The following HS6ST3 variants were observed in gnomAD, a reference collection of about 807,000 sequenced individuals.
HS6ST3 encodes heparan-sulfate 6-O-sulfotransferase 3.
In HS6ST3, 12 loss-of-function variants were observed where a neutral mutation model predicts 36.7. The observed-to-expected ratio is 0.33, with a 90% CI of 0.21 to 0.53. HS6ST3 has a LOEUF of 0.53. Ranked by LOEUF, HS6ST3 falls within the 20% of genes least tolerant of loss-of-function variation. The pLI, the probability that HS6ST3 is intolerant of heterozygous loss-of-function variation, is 0.95. For missense variants in HS6ST3, 584 were observed against 640.9 expected, an observed-to-expected ratio of 0.91 and a Z score of 0.96; for synonymous variants, 240 against 257.5, an observed-to-expected ratio of 0.93 and a Z score of 0.65.
intron 1 of HS6ST3, among the ~76,000 whole-genome samples, chr13:96,288,666 G>A (rs2139397773): frequency 6.6e-6 from 1 of 152,088 alleles, no homozygotes; most frequent in South Asian, 2.1e-4. Context: ...TTACTAATCA[G>A]CATGATAAAG....
At chr13:96,552,116 T>G (rs1440679012) in intron 1 of HS6ST3, among the ~76,000 whole-genome samples, 1 of 152,204 alleles carries the variant, frequency 6.6e-6, no homozygotes, top group East Asian at 1.9e-4. Flanking sequence ...GGAATTTGGT[T>G]TATTTCCATG....
intron 1 of HS6ST3, among the ~76,000 whole-genome samples, chr13:96,798,598 A>T (rs1877969296): frequency 6.6e-6 from 1 of 152,084 alleles, no homozygotes; most frequent in Non-Finnish European, 1.5e-5. Context: ...TTTAGCTGTC[A>T]TATGTGACTC....
chr13:96,457,384 A>T (rs2055759345), intron 1 of HS6ST3, among the ~76,000 whole-genome samples: 1 of 152,128 alleles, frequency 6.6e-6, no homozygotes, highest in Non-Finnish European at 1.5e-5. Flanking sequence ...CTAGCTTCTC[A>T]GGTGGGAGAA....
intron 1 of HS6ST3, among the ~76,000 whole-genome samples, chr13:96,218,833 A>C (rs1205094737): frequency 6.6e-6 from 1 of 152,124 alleles, no homozygotes; most frequent in Non-Finnish European, 1.5e-5. Context: ...TGCTCTTGGC[A>C]AGGATCATCT....
intron 1 of HS6ST3, among the ~76,000 whole-genome samples, chr13:96,508,632 G>A (rs147327117): frequency 1.5e-4 from 23 of 152,046 alleles, no homozygotes; most frequent in Admixed American, 7.2e-4. Context: ...TATGGCTTTT[G>A]GTTTTTCACT....
At chr13:96,216,305 G>T (rs887919412) in intron 1 of HS6ST3, among the ~76,000 whole-genome samples, 12 of 152,084 alleles carry the variant, frequency 7.9e-5, no homozygotes, top group African/African-American at 2.2e-4. Flanking sequence ...CCTTTCCCAT[G>T]CTGTAAATAG....
chr13:96,266,399 C>G (rs539244624), intron 1 of HS6ST3, among the ~76,000 whole-genome samples: 1 of 152,106 alleles, frequency 6.6e-6, no homozygotes, highest in Non-Finnish European at 1.5e-5. Flanking sequence ...TCTGAGATTA[C>G]CTGGGACAGA....
At position 96,327,614 on chromosome 13, in the gene HS6ST3, G is replaced by C. The variant is rs1054144737; in HGVS notation, c.707+236045G>C. ...AGTATAGTTTGAAGTCAGGTAGCGT[G>C]ATGCCTCCAGCTTTGTTCTTTTGGC... On this transcript the variant is annotated intron_variant, in intron 1 of 1. Transcript: ENST00000376705. 2.8e-3 allele frequency among the ~76,000 whole-genome samples: 420 copies of C among 151,924 alleles called. 4 individuals are homozygous for C. The highest frequency in any genetic ancestry group is 9.7e-3 in the African/African-American group (402 of 41,458).
At chr13:96,701,698 G>T (rs1419045642) in intron 1 of HS6ST3, among the ~76,000 whole-genome samples, 1 of 152,086 alleles carries the variant, frequency 6.6e-6, no homozygotes, top group Non-Finnish European at 1.5e-5. Flanking sequence ...GGTGTCTCAC[G>T]CCTGTAGTCC....
At chr13:96,125,878 C>T (rs910349198) in intron 1 of HS6ST3, among the ~76,000 whole-genome samples, 1 of 151,884 alleles carries the variant, frequency 6.6e-6, no homozygotes, top group South Asian at 2.1e-4. Flanking sequence ...GTGCTGCACC[C>T]ATTAACTCGT....
intron 1 of HS6ST3, among the ~76,000 whole-genome samples, chr13:96,214,743 G>A (rs1927809): frequency 0.49 from 74,741 of 151,898 alleles, 18,595 homozygotes; most frequent in Admixed American, 0.58. Flanking sequence ...TGGGAAACCT[G>A]TAGATTGTAG....
rs564285908 is a variant in HS6ST3 at position 96,215,209 on chromosome 13, G to A, written c.707+123640G>A. Among the ~76,000 whole-genome samples the A allele has an allele frequency of 7.9e-4, 120 of 152,276 alleles. No homozygotes were observed. In the Middle Eastern group the frequency reaches 0.024, roughly 30 times the overall value. ...GGACCCGTTTTGTCCAACTGGTGAC[G>A]CTGCATATCAGCAATGTTCTCGAGG... is the stretch of plus-strand genomic sequence containing the variant. On this transcript the variant is annotated intron_variant, in intron 1 of 1. Coordinates refer to ENST00000376705, the MANE Select transcript of HS6ST3 (RefSeq NM_153456.4).
intron 1 of HS6ST3, among the ~76,000 whole-genome samples, chr13:96,339,536 A>G (rs1035805957): frequency 3.3e-5 from 5 of 152,210 alleles, no homozygotes; most frequent in Non-Finnish European, 7.3e-5. Flanking sequence ...AGAAGCCACT[A>G]AAGTAAAAGC....
At chr13:96,606,299 A>G (rs985415617) in intron 1 of HS6ST3, among the ~76,000 whole-genome samples, 9 of 152,208 alleles carry the variant, frequency 5.9e-5, no homozygotes, top group African/African-American at 2.2e-4. Context: ...TTTTCACACT[A>G]ACAAAGATGT....
At chr13:96,687,511 A>C (rs1254750647) in intron 1 of HS6ST3, among the ~76,000 whole-genome samples, 1 of 151,994 alleles carries the variant, frequency 6.6e-6, no homozygotes. Context: ...GGTATTTTAG[A>C]TTTGTAGGAA....
intron 1 of HS6ST3, among the ~76,000 whole-genome samples, chr13:96,796,879 G>T (rs980342248): frequency 1.3e-5 from 2 of 151,992 alleles, no homozygotes; most frequent in African/African-American, 4.8e-5. Flanking sequence ...GGGGACTATC[G>T]ATCAGGCCAT....
intron 1 of HS6ST3, among the ~76,000 whole-genome samples, chr13:96,698,037 A>T (rs960091170): frequency 3.3e-5 from 5 of 151,852 alleles, no homozygotes; most frequent in East Asian, 3.9e-4. Context: ...TTTTATTTTT[A>T]TTTATTTATT....
intron 1 of HS6ST3, among the ~76,000 whole-genome samples, chr13:96,158,152 T>C (rs948897830): frequency 3.9e-5 from 6 of 152,116 alleles, no homozygotes; most frequent in African/African-American, 1.4e-4. Context: ...CACCATTGTA[T>C]AAGGGTATCA....
intron 1 of HS6ST3, among the ~76,000 whole-genome samples, chr13:96,478,894 A>G (rs1360736472): frequency 6.6e-6 from 1 of 152,176 alleles, no homozygotes; most frequent in Non-Finnish European, 1.5e-5. Context: ...AGACTCTTAA[A>G]TCCTTTCTCT....
Sources: allele counts gnomAD v4.1 joint callset (sites outside exome capture counted in the v4.1 genomes callset), GRCh38; gene constraint gnomAD v4.1.1; transcripts MANE v1.5; gene names NCBI Gene and HGNC (gene_info 2026-07-23, HGNC 2026-07-21).